CRK: variants seen among roughly 807,000 people sequenced by gnomAD.
The protein encoded by CRK is adapter molecule crk.
CRK carries 4 observed loss-of-function variants against 29.8 expected under a neutral mutation model. That is an observed-to-expected ratio of 0.13 (90% CI 0.07 to 0.31). CRK has a LOEUF of 0.31. Among genes scored for constraint, CRK ranks in the 10% least tolerant of loss-of-function variants. The probability of loss-of-function intolerance (pLI) is 1.00; values close to 1 mark genes in which losing one functional copy is unlikely to be tolerated. For synonymous variants in CRK, 153 were observed against 164.9 expected, an observed-to-expected ratio of 0.93 and a Z score of 0.55; for missense variants, 274 against 396.5, an observed-to-expected ratio of 0.69 and a Z score of 2.62.
Position 1,437,130 on chromosome 17 carries a change from T to C in CRK, c.267A>G (p.Ile89Met). ...GCAATGAATCAAACTCTTGATCTCC[T>C]ATTCGGAGTCTGGAGGGGCTCACCC... ...PPGVSPSRLR[I>M]GDQEFDSLPA... Residue 89 changes from isoleucine to methionine, a missense_variant, in exon 2 of 3, where the codon ATA (isoleucine) becomes ATG (methionine). Physicochemically the swap from Ile to Met is conservative, Grantham distance 10. This residue lies in a region of CRK where 135 missense variants were observed against 180.9 expected (regional missense o/e 0.75). Transcript: ENST00000300574. 1 of 1,611,226 alleles carries C rather than the reference T, an allele frequency of 6.2e-7. No homozygotes were observed. Among genetic ancestry groups the C allele is most frequent in the Non-Finnish European group, 8.5e-7 (1 of 1,177,824 alleles).
rs1182924250 is a variant in CRK, at chr17:1,421,305, G to C, written c.*2208C>G. ...TCAAAGTCAAAGGAAAAGAAAATAG[G>C]AACATTCAAATCAGTTGTGACAAGG... On this transcript the variant is annotated 3_prime_UTR_variant, in exon 3 of 3. Transcript: ENST00000300574. The C allele has an allele frequency of 1.3e-5, 2 of 152,080 alleles. No homozygotes were observed. The highest frequency in any genetic ancestry group is 4.8e-5 in the African/African-American group (2 of 41,420). The allele number at this position is 152,080 out of a possible 1,614,324, so 9.4% of individuals were successfully genotyped here. A position where few individuals can be genotyped will look rare whatever the true frequency, so the allele number is the denominator to read the frequency against.
intron 1 of CRK, among the ~76,000 whole-genome samples, chr17:1,439,356 C>CA (rs1260744847): frequency 6.6e-6 from 1 of 152,122 alleles, no homozygotes; most frequent in Non-Finnish European, 1.5e-5. Context: ...CTCGGCCTCC[C>CA]AAAGTGCTGG....
intron 2 of CRK, among the ~76,000 whole-genome samples, chr17:1,430,859 A>T (rs2073837437): frequency 6.6e-6 from 1 of 151,498 alleles, no homozygotes; most frequent in African/African-American, 2.4e-5. Flanking sequence ...CGAGGTCAGC[A>T]GATCGAGACC....
Position 1,422,953 on chromosome 17 carries a change from AG to A in CRK, c.*559del. On this transcript the variant is annotated 3_prime_UTR_variant, in exon 3 of 3. Transcript: ENST00000300574. ...GAAAAAGTATGAAGCATTGACTAGGAGGGAACAAATGCTTCTAGTAGTGTTC... is the reference window on the plus strand; with the variant it reads ...GAAAAAGTATGAAGCATTGACTAGGAGGAACAAATGCTTCTAGTAGTGTTC... The A allele has an allele frequency of 2.5e-6, 1 of 399,066 alleles. No homozygotes were observed. The highest frequency in any genetic ancestry group is 4.4e-6 in the Non-Finnish European group (1 of 226,142). 24.7% of individuals were successfully genotyped at this position (399,066 alleles called of 1,614,324 possible).
At chr17:1,436,303 A>T (rs1052714380) in intron 2 of CRK, among the ~76,000 whole-genome samples, 1 of 152,194 alleles carries the variant, frequency 6.6e-6, no homozygotes, top group Non-Finnish European at 1.5e-5. Flanking sequence ...ACAGAAAGCA[A>T]GAAACAGATG....
intron 2 of CRK, among the ~76,000 whole-genome samples, chr17:1,430,388 G>C (rs538215196): frequency 1.4e-5 from 2 of 138,798 alleles, no homozygotes; most frequent in East Asian, 2.3e-4. Flanking sequence ...ACAGAGTCTC[G>C]CTCTGTCGCC....
rs530523054 is a variant in CRK, at chr17:1,450,813, G to A, written c.241+5064C>T. 2.7e-5 allele frequency among the ~76,000 whole-genome samples: 4 copies of A among 149,834 alleles called. No homozygotes were observed. In the South Asian group the frequency reaches 6.4e-4, roughly 24 times the overall value. ...AGGCAGGAGAACTGCTTGAACCCAG[G>A]AGGTGGAGGGTACAGTGAGCTGAGA... On this transcript the variant is annotated intron_variant, in intron 1 of 2. Coordinates refer to ENST00000300574, the MANE Select transcript of CRK (RefSeq NM_016823.4).
chr17:1,447,747 G>T (rs1227368898), intron 1 of CRK, among the ~76,000 whole-genome samples: 1 of 151,408 alleles, frequency 6.6e-6, no homozygotes, highest in African/African-American at 2.4e-5. Context: ...CTCTCGAGTA[G>T]CTGGGATTAC....
In CRK at chr17:1,423,492, A is replaced by G; in HGVS notation, c.*21T>C. 1 of 1,588,128 alleles carries G rather than the reference A, an allele frequency of 6.3e-7. No individual in the cohort carries two copies. The highest frequency in any genetic ancestry group is 8.6e-7 in the Non-Finnish European group (1 of 1,168,480). On this transcript the variant is annotated 3_prime_UTR_variant, in exon 3 of 3. Coordinates refer to ENST00000300574, the MANE Select transcript of CRK (RefSeq NM_016823.4). ...AAAAAAAAGATTGTTCCCATCTGTC[A>G]GCAAAACTGTTGAACTATACTCAGC... is the stretch of plus-strand genomic sequence containing the variant.
At chr17:1,441,161 CAA>C (rs1164305269) in intron 1 of CRK, among the ~76,000 whole-genome samples, 1 of 152,166 alleles carries the variant, frequency 6.6e-6, no homozygotes, top group Non-Finnish European at 1.5e-5. Flanking sequence ...TTCCTGAGCT[CAA>C]GTTATCCATC....
At chr17:1,432,438 C>T (rs1257320518) in intron 2 of CRK, among the ~76,000 whole-genome samples, 3 of 131,086 alleles carry the variant, frequency 2.3e-5, no homozygotes, top group Non-Finnish European at 3.1e-5. Flanking sequence ...GATCACGCCA[C>T]TGTACTCCAG....
intron 1 of CRK, among the ~76,000 whole-genome samples, chr17:1,451,049 G>A (rs187008435): frequency 1.5e-4 from 23 of 151,648 alleles, no homozygotes; most frequent in Admixed American, 9.9e-4. Context: ...AAAATTAGCC[G>A]GGCGTGGTGG....
At chr17:1,451,708 C>A (rs1335857322) in intron 1 of CRK, among the ~76,000 whole-genome samples, 1 of 151,226 alleles carries the variant, frequency 6.6e-6, no homozygotes, top group African/African-American at 2.4e-5. Flanking sequence ...GTTTGGGCAA[C>A]ATAGTGGGGG....
rs939306391 is a variant in CRK at position 1,420,949 on chromosome 17, T to C, written c.*2564A>G. The stretch of plus-strand genomic sequence containing the variant: ...AATTATCTATTTGCATTATTAACAA[T>C]AAACAATTCCAACAAATTAATAAGA... On this transcript the variant is annotated 3_prime_UTR_variant, in exon 3 of 3. Coordinates refer to ENST00000300574, the MANE Select transcript of CRK (RefSeq NM_016823.4). 6.6e-6 allele frequency: 1 copy of C among 152,146 alleles called. No homozygotes were observed. Among genetic ancestry groups the C allele is most frequent in the Non-Finnish European group, 1.5e-5 (1 of 68,020 alleles). The allele number at this position is 152,146 out of a possible 1,614,324, so 9.4% of individuals were successfully genotyped here.
At chr17:1,426,651 G>A (rs189857642) in intron 2 of CRK, among the ~76,000 whole-genome samples, 13 of 152,146 alleles carry the variant, frequency 8.5e-5, no homozygotes, top group Middle Eastern at 3.4e-3. Flanking sequence ...GAATCACGAC[G>A]TCAGGAGTTC....
chr17:1,450,911 G>C (rs893478795), intron 1 of CRK, among the ~76,000 whole-genome samples: 1 of 151,642 alleles, frequency 6.6e-6, no homozygotes, highest in Non-Finnish European at 1.5e-5. Context: ...AAAACAAATA[G>C]GCCGGGCGCG....
chr17:1,430,941 G>A (rs371900651), intron 2 of CRK, among the ~76,000 whole-genome samples: 23 of 151,802 alleles, frequency 1.5e-4, no homozygotes, highest in Admixed American at 7.9e-4. Context: ...GGTAGCAGGC[G>A]CCTGTAGTCC....
rs949835190 is a variant in CRK, at chr17:1,423,783, T to TC, written c.778-134dup. 1.0e-5 allele frequency: 11 copies of TC among 1,088,262 alleles called. No individual in the cohort carries two copies. The African/African-American group carries it at 1.6e-4, about 16-fold the overall frequency. The allele number at this position is 1,088,262 out of a possible 1,614,324, so 67.4% of individuals were successfully genotyped here. ...ATTACAGAAATGGCCATTTGCTGCC[T>TC]CCCCAGCCCCAGCCACCAGACTGAT... On this transcript the variant is annotated intron_variant, in intron 2 of 2. Coordinates refer to ENST00000300574, the MANE Select transcript of CRK (RefSeq NM_016823.4).
chr17:1,433,509 CTTTTTTT>C (rs60236552), intron 2 of CRK, among the ~76,000 whole-genome samples: 615 of 58,568 alleles, frequency 0.011, 13 homozygotes, highest in African/African-American at 0.032. Context: ...CCACGCCTGG[CTTTTTTT>C]TTTTTTTTTT....
Sources: gnomAD v4.1 joint callset for allele counts (sites outside exome capture counted in the v4.1 genomes callset) on GRCh38, gnomAD v4.1.1 for gene constraint, gnomAD v4.1.1 regional missense constraint, MANE v1.5 for transcripts, NCBI Gene and HGNC (gene_info 2026-07-23, HGNC 2026-07-21) for gene names.